The following PNMA8B variants were observed in gnomAD, a reference collection of about 807,000 sequenced individuals.
The protein encoded by PNMA8B is PNMA family member 8B.
For synonymous variants in PNMA8B, 386 were observed against 394.9 expected (o/e 0.98, Z 0.27); for missense variants, 887 against 885.8 (o/e 1.00, Z -0.02).
chr19:46,493,663 G>T lies in PNMA8B; in HGVS notation c.1803C>A (p.Ala601=). 2 of 1,533,490 alleles carry T rather than the reference G, an allele frequency of 1.3e-6. No homozygotes were observed. The highest frequency in any genetic ancestry group is 1.7e-6 in the Non-Finnish European group (2 of 1,149,018). The allele number at this position is 1,533,490 out of a possible 1,614,324, so 95.0% of individuals were successfully genotyped here. Residue 601 remains alanine (A), a synonymous_variant, in exon 1 of 1, where the codon GCC becomes GCA. Transcript: ENST00000599531. The surrounding 1 kb of genome is among the most constrained non-coding windows in gnomAD (Gnocchi z 5.3). ...RKKKGSAGAG[A]HARAGEAKGQ... is the part of the protein sequence containing the mutation. ...CCTTGGCCTCGCCTGCCCTGGCATG[G>T]GCCCCGGCGCCCGCGCTCCCCTTCT...
rs923358394 is a variant in PNMA8B at position 46,492,782 on chromosome 19, T to C, written c.*776A>G. The C allele has an allele frequency of 6.6e-6, 1 of 152,504 alleles. No individual in the cohort carries two copies. 9.4% of individuals were successfully genotyped at this position (152,504 alleles called of 1,614,324 possible). On this transcript the variant is annotated 3_prime_UTR_variant, in exon 1 of 1. Coordinates refer to ENST00000599531, the MANE Select transcript of PNMA8B (RefSeq NM_020709.3). ...TGAACACCTCTGCAAATAATTAGAA[T>C]GTTGGGAAACACTGCAGTCTGAGTG... is the stretch of plus-strand genomic sequence containing the variant.
In PNMA8B at chr19:46,493,599, TC is replaced by T; in HGVS notation, c.1866del (p.Lys623ArgfsTer199). 6.7e-7 allele frequency: 1 copy of T among 1,488,994 alleles called. No homozygotes were observed. The highest frequency in any genetic ancestry group is 8.8e-7 in the Non-Finnish European group (1 of 1,130,280). 92.2% of individuals were successfully genotyped at this position (1,488,994 alleles called of 1,614,324 possible). A position where few individuals can be genotyped will look rare whatever the true frequency, so the allele number is the denominator to read the frequency against. ...APTGSKAARG[K>X]KARRGRRLPP... ...GGCAGCCTCCGGCCCCGACGGGCCT[TC>T]TTCCCGCGCGCGGCCTTGGATCCAG... On this transcript the variant is annotated frameshift_variant, in exon 1 of 1. Coordinates refer to ENST00000599531, the MANE Select transcript of PNMA8B (RefSeq NM_020709.3). LOFTEE classifies it high-confidence loss of function. The surrounding 1 kb of genome is among the most constrained non-coding windows in gnomAD (Gnocchi z 5.3).
In PNMA8B at chr19:46,495,317, C is replaced by T; in HGVS notation, c.149G>A (p.Arg50Lys). ...QPTLLPLGTF[R>K]LRHMKALMNE... is the part of the protein sequence containing the mutation. ...CATCAAAGCCTTCATGTGTCGCAAC[C>T]TGAACGTGCCCAGGGGCAGGAGGGT... The change falls in exon 1 of 1, where the codon AGG (arginine) becomes AAG (lysine). Residue 50 changes from arginine (R) to lysine (K), a missense_variant. Transcript: ENST00000599531. 2 of 1,333,888 alleles carry T rather than the reference C, an allele frequency of 1.5e-6. No individual in the cohort carries two copies. The highest frequency in any genetic ancestry group is 1.4e-5 in the African/African-American group (1 of 69,650). The allele number at this position is 1,333,888 out of a possible 1,614,324, so 82.6% of individuals were successfully genotyped here.
chr19:46,495,295 C>T lies in PNMA8B; in HGVS notation c.171G>A (p.Leu57=). ...GGGCGGCCTGGGCCTTCTCGTTCAT[C>T]AAAGCCTTCATGTGTCGCAACCTGA... The part of the protein sequence containing the change: ...GTFRLRHMKA[L]MNEKAQAALV... Residue 57 remains leucine (L), a synonymous_variant, in exon 1 of 1, where the codon TTG becomes TTA. Coordinates refer to ENST00000599531, the MANE Select transcript of PNMA8B (RefSeq NM_020709.3). The T allele has an allele frequency of 7.0e-7, 1 of 1,433,822 alleles. No individual in the cohort carries two copies. Among genetic ancestry groups the T allele is most frequent in the South Asian group, 1.1e-5 (1 of 87,630 alleles). The allele number at this position is 1,433,822 out of a possible 1,614,324, so 88.8% of individuals were successfully genotyped here. A position where few individuals can be genotyped will look rare whatever the true frequency, so the allele number is the denominator to read the frequency against.
At position 46,495,106 on chromosome 19, in the gene PNMA8B, C is replaced by T. The variant is rs1970073817; in HGVS notation, c.360G>A (p.Glu120=). Residue 120 remains glutamate (E), a synonymous_variant, in exon 1 of 1, where the codon GAG becomes GAA. Coordinates refer to ENST00000599531, the MANE Select transcript of PNMA8B (RefSeq NM_020709.3). ...LLDDGPTQAA[E]AGTPGEAPTP... Reference sequence around the variant, plus strand: ...TGGGTGCCTCCCCGGGGGTCCCAGCCTCCGCGGCCTGCGTGGGCCCGTCAT... The same window carrying T: ...TGGGTGCCTCCCCGGGGGTCCCAGCTTCCGCGGCCTGCGTGGGCCCGTCAT... The T allele has an allele frequency of 6.2e-7, 1 of 1,613,536 alleles. No homozygotes were observed. The highest frequency in any genetic ancestry group is 8.5e-7 in the Non-Finnish European group (1 of 1,179,832).
Position 46,495,462 on chromosome 19 carries a change from C to T in PNMA8B, c.4G>A (p.Ala2Thr). The T allele has an allele frequency of 1.3e-6, 2 of 1,599,644 alleles. No homozygotes were observed. Among genetic ancestry groups the T allele is most frequent in the Non-Finnish European group, 1.7e-6 (2 of 1,169,868 alleles). M[A>T]MSLLQDWCRS... ...CACCAGTCCTGCAAAAGGCTCATGG[C>T]CATGGTGCAGCCCCCTTGGCGCTGA... Residue 2 changes from alanine (A) to threonine (T), a missense_variant, in exon 1 of 1, where the codon GCC (alanine) becomes ACC (threonine). Physicochemically the swap from Ala to Thr is moderately conservative, Grantham distance 58. Transcript: ENST00000599531.
chr19:46,494,289 C>T lies in PNMA8B; in HGVS notation c.1177G>A (p.Ala393Thr), dbSNP rs1970056049. 26 of 1,611,906 alleles carry T rather than the reference C, an allele frequency of 1.6e-5. No homozygotes were observed. The highest frequency in any genetic ancestry group is 2.1e-5 in the Non-Finnish European group (25 of 1,179,624). Residue 393 changes from alanine to threonine, a missense_variant, in exon 1 of 1, where the codon GCG becomes ACG. Physicochemically the swap from Ala to Thr is moderately conservative, Grantham distance 58. Coordinates refer to ENST00000599531, the MANE Select transcript of PNMA8B (RefSeq NM_020709.3). ...ACCACGGCGTCCACCTCGCGGCCCGCCTCTTCCACCTTCACGCGGGTCCCG... is the reference window on the plus strand; with the variant it reads ...ACCACGGCGTCCACCTCGCGGCCCGTCTCTTCCACCTTCACGCGGGTCCCG... ...TNGTRVKVEE[A>T]GREVDAVVLR...
chr19:46,495,654 C>T lies in PNMA8B; in HGVS notation c.-189G>A, dbSNP rs1425860039. On this transcript the variant is annotated 5_prime_UTR_variant, in exon 1 of 1. Transcript: ENST00000599531. Reference sequence around the variant, plus strand: ...TCTAGCTGCCTGCTGGCCGGCTGGACGCAGTGACCTTCCCCCGGGACCCCT... The same window carrying T: ...TCTAGCTGCCTGCTGGCCGGCTGGATGCAGTGACCTTCCCCCGGGACCCCT... 27 of 674,366 alleles carry T rather than the reference C, an allele frequency of 4.0e-5. No homozygotes were observed. The highest frequency in any genetic ancestry group is 2.4e-4 in the Admixed American group (8 of 33,306). The allele number at this position is 674,366 out of a possible 1,614,324, so 41.8% of individuals were successfully genotyped here.
Position 46,493,403 on chromosome 19 carries a change from G to T in PNMA8B, c.*155C>A. ...CCCGGCCTGCGAGGGCCCGAGAGGG[G>T]AACGTGACGCTGGCAAAACGCGGCC... On this transcript the variant is annotated 3_prime_UTR_variant, in exon 1 of 1. Coordinates refer to ENST00000599531, the MANE Select transcript of PNMA8B (RefSeq NM_020709.3). The surrounding 1 kb of genome is among the most constrained non-coding windows in gnomAD (Gnocchi z 5.3). 6.5e-6 allele frequency: 3 copies of T among 461,636 alleles called. No individual in the cohort carries two copies. Among genetic ancestry groups the T allele is most frequent in the African/African-American group, 2.0e-5 (1 of 49,446 alleles). The allele number at this position is 461,636 out of a possible 1,614,324, so 28.6% of individuals were successfully genotyped here. A position where few individuals can be genotyped will look rare whatever the true frequency, so the allele number is the denominator to read the frequency against.
Position 46,495,444 on chromosome 19 carries a change from C to A in PNMA8B, c.22G>T (p.Asp8Tyr). Reference sequence around the variant, plus strand: ...TCCACGTCCAGGCTCCGGCACCAGTCCTGCAAAAGGCTCATGGCCATGGTG... The same window carrying A: ...TCCACGTCCAGGCTCCGGCACCAGTACTGCAAAAGGCTCATGGCCATGGTG... MAMSLLQ[D>Y]WCRSLDVDAH... The change falls in exon 1 of 1, where the codon GAC becomes TAC. Residue 8 changes from aspartate (D) to tyrosine (Y), a missense_variant. Physicochemically the swap from Asp to Tyr is radical, Grantham distance 160 (BLOSUM62 -3). Coordinates refer to ENST00000599531, the MANE Select transcript of PNMA8B (RefSeq NM_020709.3). The A allele has an allele frequency of 6.3e-7, 1 of 1,590,086 alleles. No homozygotes were observed. Among genetic ancestry groups the A allele is most frequent in the Non-Finnish European group, 8.6e-7 (1 of 1,159,644 alleles).
chr19:46,494,542 G>A lies in PNMA8B; in HGVS notation c.924C>T (p.Asp308=). Residue 308 remains aspartate, a synonymous_variant, in exon 1 of 1, where the codon GAC becomes GAT. Transcript: ENST00000599531. ...GCGAGTCGCTCTCCGAAGTGTCGCT[G>A]TCCACCGGCTCCTCGTCCGGGGTGT... ...VRDTPDEEPV[D]SDTSESDSQE... 6.2e-7 allele frequency: 1 copy of A among 1,614,058 alleles called. No homozygotes were observed. The highest frequency in any genetic ancestry group is 8.5e-7 in the Non-Finnish European group (1 of 1,179,896).
rs1970013270 is a variant in PNMA8B, at chr19:46,492,206, C to T, written c.*1352G>A. 2 of 395,816 alleles carry T rather than the reference C, an allele frequency of 5.1e-6. No individual in the cohort carries two copies. The highest frequency in any genetic ancestry group is 3.6e-4 in the Middle Eastern group (1 of 2,792). The allele number at this position is 395,816 out of a possible 1,614,324, so 24.5% of individuals were successfully genotyped here. On this transcript the variant is annotated 3_prime_UTR_variant, in exon 1 of 1. Transcript: ENST00000599531. ...GGGCCCCCTGGCACGATGGGCTCCT[C>T]ACTGCCAGGGAATGGAAATTGGGAC...
In PNMA8B at chr19:46,494,713, G is replaced by A. The variant is rs1381338017; in HGVS notation, c.753C>T (p.Arg251=). The change falls in exon 1 of 1, where the codon CGC becomes CGT. Residue 251 remains arginine, a synonymous_variant. Transcript: ENST00000599531. ...CNSEGEEDGP[R]EFLALVTVTD... ...TGACGGTGACCAGAGCCAAGAACTC[G>A]CGGGGACCGTCTTCTTCCCCCTCGG... The A allele has an allele frequency of 3.1e-6, 5 of 1,613,882 alleles. No individual in the cohort carries two copies. The highest frequency in any genetic ancestry group is 4.2e-6 in the Non-Finnish European group (5 of 1,179,904).
chr19:46,494,838 C>A lies in PNMA8B; in HGVS notation c.628G>T (p.Asp210Tyr). ...TCTTCTCCGCTCAGGTCGCCCTGGT[C>A]GATCTCCTCGATCACGATGCCCAGG... ...ESLGIVIEEI[D>Y]QGDLSGEEDQ... is the part of the protein sequence containing the mutation. Residue 210 changes from aspartate (D) to tyrosine (Y), a missense_variant, in exon 1 of 1, where the codon GAC becomes TAC. Physicochemically the swap from Asp to Tyr is radical, Grantham distance 160. Transcript: ENST00000599531. 1 of 1,613,338 alleles carries A rather than the reference C, an allele frequency of 6.2e-7. No homozygotes were observed.
chr19:46,493,436 G>T lies in PNMA8B; in HGVS notation c.*122C>A. Reference sequence around the variant, plus strand: ...CGCTGGCAAAACGCGGCCCGGGCGCGCTGTGAAGCGAGGAGATTGCGTCTG... The same window carrying T: ...CGCTGGCAAAACGCGGCCCGGGCGCTCTGTGAAGCGAGGAGATTGCGTCTG... On this transcript the variant is annotated 3_prime_UTR_variant, in exon 1 of 1. Transcript: ENST00000599531. The surrounding 1 kb of genome is among the most constrained non-coding windows in gnomAD (Gnocchi z 5.3). The T allele has an allele frequency of 1.6e-6, 1 of 627,242 alleles. No homozygotes were observed. 38.9% of individuals were successfully genotyped at this position (627,242 alleles called of 1,614,324 possible).
At position 46,493,877 on chromosome 19, in the gene PNMA8B, G is replaced by A. The variant is rs1045803981; in HGVS notation, c.1589C>T (p.Ser530Phe). The A allele has an allele frequency of 5.9e-5, 91 of 1,538,348 alleles. No homozygotes were observed. The highest frequency in any genetic ancestry group is 7.7e-5 in the Non-Finnish European group (88 of 1,145,352). Residue 530 changes from serine (S) to phenylalanine (F), a missense_variant, in exon 1 of 1, where the codon TCC becomes TTC. Coordinates refer to ENST00000599531, the MANE Select transcript of PNMA8B (RefSeq NM_020709.3). The surrounding 1 kb of genome is among the most constrained non-coding windows in gnomAD (Gnocchi z 5.3). ...SEASEPEDRA[S>F]RKPRAKRART... ...CGCCCTCTTGGCCCGGGGCTTCCTG[G>A]ATGCCCTGTCCTCCGGCTCCGACGC...
rs1377979368 is a variant in PNMA8B at position 46,495,356 on chromosome 19, G to A, written c.110C>T (p.Ala37Val). The change falls in exon 1 of 1, where the codon GCC (alanine) becomes GTC (valine). Residue 37 changes from alanine to valine, a missense_variant. Coordinates refer to ENST00000599531, the MANE Select transcript of PNMA8B (RefSeq NM_020709.3). ...PEGLEQADVE[A>V]VLQPTLLPLG... ...GGGCAGGAGGGTCGGCTGCAGGACG[G>A]CTTCGACGTCTGCCTGCTCCAGGCC... 3 of 1,287,272 alleles carry A rather than the reference G, an allele frequency of 2.3e-6. No homozygotes were observed. Among genetic ancestry groups the A allele is most frequent in the African/African-American group, 1.5e-5 (1 of 68,692 alleles). 79.7% of individuals were successfully genotyped at this position (1,287,272 alleles called of 1,614,324 possible).
chr19:46,493,751 G>A lies in PNMA8B; in HGVS notation c.1715C>T (p.Thr572Ile). 2.1e-6 allele frequency: 3 copies of A among 1,454,180 alleles called. No homozygotes were observed. Among genetic ancestry groups the A allele is most frequent in the Non-Finnish European group, 2.7e-6 (3 of 1,109,600 alleles). The allele number at this position is 1,454,180 out of a possible 1,614,324, so 90.1% of individuals were successfully genotyped here. ...CCGGCTCCCGGCTTTCTTCTCGGGA[G>A]TGACGCCCCGGCCTCGGCCTCGGCC... Reference protein sequence around the residue: ...AGGRGRGRGVTPEKKAGSRGS... With the variant: ...AGGRGRGRGVIPEKKAGSRGS... Residue 572 changes from threonine (T) to isoleucine (I), a missense_variant, in exon 1 of 1, where the codon ACT becomes ATT. Thr to Ile is a moderately conservative substitution (Grantham distance 89, BLOSUM62 -1). Transcript: ENST00000599531. This position sits in a 1 kb window ranked among gnomAD's most constrained non-coding sequence, Gnocchi z 5.3.
rs1038737030 is a variant in PNMA8B at position 46,495,624 on chromosome 19, G to A, written c.-159C>T. ...AGGCTGGAGTGGGGCTCGGGGCTCG[G>A]GGGCTCTAGCTGCCTGCTGGCCGGC... On this transcript the variant is annotated 5_prime_UTR_variant, in exon 1 of 1. Coordinates refer to ENST00000599531, the MANE Select transcript of PNMA8B (RefSeq NM_020709.3). 11 of 932,720 alleles carry A rather than the reference G, an allele frequency of 1.2e-5. No homozygotes were observed. Among genetic ancestry groups the A allele is most frequent in the Non-Finnish European group, 1.7e-5 (11 of 633,072 alleles). The allele number at this position is 932,720 out of a possible 1,614,324, so 57.8% of individuals were successfully genotyped here. A position where few individuals can be genotyped will look rare whatever the true frequency, so the allele number is the denominator to read the frequency against.
Sources: allele counts gnomAD v4.1 joint callset, GRCh38; gene constraint gnomAD v4.1.1; non-coding constraint Gnocchi (gnomAD v3.1); transcripts MANE v1.5; gene names NCBI Gene and HGNC (gene_info 2026-07-23, HGNC 2026-07-21).